VAV1: variants seen among roughly 807,000 people sequenced by gnomAD.
VAV1 encodes the protein proto-oncogene vav.
VAV1 carries 33 observed loss-of-function variants against 128.1 expected under a neutral mutation model. The ratio of observed to expected loss-of-function variants is 0.26; its 90% CI spans 0.20 to 0.34. The LOEUF is 0.34. Among genes scored for constraint, VAV1 ranks in the 10% least tolerant of loss-of-function variants. The pLI, the probability that VAV1 is intolerant of heterozygous loss-of-function variation, is 1.00. For missense variants in VAV1, 715 were observed against 1,093.7 expected, an observed-to-expected ratio of 0.65 and a Z score of 4.88; for synonymous variants, 394 against 409.8, an observed-to-expected ratio of 0.96 and a Z score of 0.47.
chr19:6,835,989 T>C, intron 19 of VAV1: 1 of 156,348 alleles, frequency 6.4e-6, no homozygotes, highest in Non-Finnish European at 1.4e-5. Flanking sequence ...TTCTCCTGCC[T>C]CAGCCTCCCA....
rs1971928515 is a variant in VAV1 at position 6,826,768 on chromosome 19, C to G, written c.927+57C>G. 1 of 1,356,602 alleles carries G rather than the reference C, an allele frequency of 7.4e-7. No homozygotes were observed. The highest frequency in any genetic ancestry group is 1.0e-6 in the Non-Finnish European group (1 of 983,566). 84.0% of individuals were successfully genotyped at this position (1,356,602 alleles called of 1,614,324 possible). A position where few individuals can be genotyped will look rare whatever the true frequency, so the allele number is the denominator to read the frequency against. On this transcript the variant is annotated intron_variant, in intron 9 of 26. Coordinates refer to ENST00000602142, the MANE Select transcript of VAV1 (RefSeq NM_005428.4). The surrounding 1 kb of genome is among the most constrained non-coding windows in gnomAD (Gnocchi z 4.1). ...CCCGCTCCTCCCCAGGCCCTGGGGG[C>G]AGCAGGGAGGACACTGAGTTGCAGA...
intron 1 of VAV1, among the ~76,000 whole-genome samples, chr19:6,819,460 C>G (rs530926069): frequency 6.6e-6 from 1 of 152,258 alleles, no homozygotes; most frequent in African/African-American, 2.4e-5. Context: ...TAGAATTGTA[C>G]AATACATGGC....
In VAV1 at chr19:6,826,136, G is replaced by A. The variant is rs1479802766; in HGVS notation, c.828-476G>A. 6.6e-6 allele frequency among the ~76,000 whole-genome samples: 1 copy of A among 151,852 alleles called. No individual in the cohort carries two copies. Among genetic ancestry groups the A allele is most frequent in the African/African-American group, 2.4e-5 (1 of 41,340 alleles). Reference sequence around the variant, plus strand: ...GCAGATCACTTGAGGTCAGGAGTTCGAGACCAGCCTGGCCAACATGGCAAA... The same window carrying A: ...GCAGATCACTTGAGGTCAGGAGTTCAAGACCAGCCTGGCCAACATGGCAAA... On this transcript the variant is annotated intron_variant, in intron 8 of 26. Coordinates refer to ENST00000602142, the MANE Select transcript of VAV1 (RefSeq NM_005428.4). The surrounding 1 kb of genome is among the most constrained non-coding windows in gnomAD (Gnocchi z 4.1).
At chr19:6,844,272 G>A (rs574463749) in intron 22 of VAV1, among the ~76,000 whole-genome samples, 3 of 151,442 alleles carry the variant, frequency 2.0e-5, no homozygotes, top group South Asian at 2.1e-4. Context: ...AGGCTGGAGC[G>A]CAATGGCGTG....
At position 6,828,467 on chromosome 19, in the gene VAV1, C is replaced by A. The variant is rs776828202; in HGVS notation, c.1072C>A (p.Leu358Met). 3.1e-6 allele frequency: 5 copies of A among 1,614,076 alleles called. No homozygotes were observed. The highest frequency in any genetic ancestry group is 2.5e-6 in the Non-Finnish European group (3 of 1,180,036). The change falls in exon 11 of 27, where the codon CTG becomes ATG. Residue 358 changes from leucine (L) to methionine (M), a missense_variant. Physicochemically the swap from Leu to Met is conservative, Grantham distance 15. Transcript: ENST00000602142. This position sits in a 1 kb window ranked among gnomAD's most constrained non-coding sequence, Gnocchi z 4.5. ...GGCGATGGAGAAGGAGAACCTGCGG[C>A]TGGCCCTGGATGCCATGAGGGTGAG... ...QEAMEKENLR[L>M]ALDAMRDLAQ...
chr19:6,838,115 CTAT>C (rs1972268192), intron 21 of VAV1, among the ~76,000 whole-genome samples: 1 of 151,704 alleles, frequency 6.6e-6, no homozygotes, highest in African/African-American at 2.4e-5. Context: ...ATCTATCTAT[CTAT>C]CTATCTATCT....
At chr19:6,829,943 G>A (rs762746904) in intron 14 of VAV1, 25 bp downstream of exon 14, 1 of 1,613,870 alleles carries the variant, frequency 6.2e-7, no homozygotes, top group Admixed American at 1.7e-5. Flanking sequence ...CCGGAACTAT[G>A]GGGTCCTCCA....
chr19:6,789,345 C>T (rs997173348), intron 1 of VAV1, among the ~76,000 whole-genome samples: 2 of 151,820 alleles, frequency 1.3e-5, no homozygotes, highest in African/African-American at 2.4e-5. Context: ...CTCCACCTCC[C>T]AGGTTCACGC....
At chr19:6,779,995 C>T (rs960924071) in intron 1 of VAV1, among the ~76,000 whole-genome samples, 3 of 148,838 alleles carry the variant, frequency 2.0e-5, no homozygotes, top group Admixed American at 2.0e-4. Flanking sequence ...CCTGTAGTCC[C>T]AGCTACTCGG....
intron 1 of VAV1, among the ~76,000 whole-genome samples, chr19:6,816,774 C>T (rs1057361484): frequency 6.6e-6 from 1 of 151,682 alleles, no homozygotes; most frequent in Non-Finnish European, 1.5e-5. Flanking sequence ...CCAGCCTGGA[C>T]AACATGGTGA....
At chr19:6,814,709 T>TTTCTTTCTTTCTTTCTTTCTTTCC (rs1599647795) in intron 1 of VAV1, among the ~76,000 whole-genome samples, 2 of 138,244 alleles carry the variant, frequency 1.4e-5, no homozygotes, top group East Asian at 4.2e-4. Flanking sequence ...TCTTTCTTTC[T>TTTCTTTCTTTCTTTCTTTCTTTCC]TTCTTTCTTT....
At position 6,833,635 on chromosome 19, in the gene VAV1, G is replaced by C. The variant is rs781522310; in HGVS notation, c.1708+10G>C. On this transcript the variant is annotated intron_variant, in intron 17 of 26. Transcript: ENST00000602142. Reference sequence around the variant, plus strand: ...GGCCGACATGGGCAAGGTACGAGTGGGAGGGAGGCTGGGAGGTGAGCTTGG... The same window carrying C: ...GGCCGACATGGGCAAGGTACGAGTGCGAGGGAGGCTGGGAGGTGAGCTTGG... 1 of 1,613,968 alleles carries C rather than the reference G, an allele frequency of 6.2e-7. No individual in the cohort carries two copies. Among genetic ancestry groups the C allele is most frequent in the African/African-American group, 1.3e-5 (1 of 74,916 alleles).
At chr19:6,819,535 A>T (rs1276421863) in intron 1 of VAV1, among the ~76,000 whole-genome samples, 3 of 152,234 alleles carry the variant, frequency 2.0e-5, no homozygotes, top group Non-Finnish European at 2.9e-5. Flanking sequence ...AGTGTGGAAC[A>T]GTATTTTGCT....
In VAV1 at chr19:6,807,414, C is replaced by T. The variant is rs374707281; in HGVS notation, c.205-13288C>T. On this transcript the variant is annotated intron_variant, in intron 1 of 26. Coordinates refer to ENST00000602142, the MANE Select transcript of VAV1 (RefSeq NM_005428.4). ...GGAGTTCACAGTAGGGTTTGCACTC[C>T]TATGAGGATCTAACGCTGCAGCTGA... Among the ~76,000 whole-genome samples the T allele has an allele frequency of 1.1e-4, 16 of 152,118 alleles. 1 individual carries two copies. Among genetic ancestry groups the T allele is most frequent in the Admixed American group, 2.0e-4 (3 of 15,254 alleles).
chr19:6,780,873 C>T (rs115728595), intron 1 of VAV1, among the ~76,000 whole-genome samples: 2,131 of 149,970 alleles, frequency 0.014, 68 homozygotes, highest in African/African-American at 0.049. Context: ...CATGCCCAGG[C>T]GATTTCTTAT....
At chr19:6,792,246 G>C (rs1400460903) in intron 1 of VAV1, among the ~76,000 whole-genome samples, 4 of 152,132 alleles carry the variant, frequency 2.6e-5, no homozygotes, top group African/African-American at 9.7e-5. Context: ...GCATCCCCAT[G>C]AGAAGTGATG....
rs1327826891 is a variant in VAV1, at chr19:6,826,208, G to A, written c.828-404G>A. 6.6e-6 allele frequency among the ~76,000 whole-genome samples: 1 copy of A among 152,034 alleles called. No individual in the cohort carries two copies. The highest frequency in any genetic ancestry group is 1.5e-5 in the Non-Finnish European group (1 of 67,992). On this transcript the variant is annotated intron_variant, in intron 8 of 26. Coordinates refer to ENST00000602142, the MANE Select transcript of VAV1 (RefSeq NM_005428.4). This position sits in a 1 kb window ranked among gnomAD's most constrained non-coding sequence, Gnocchi z 4.1. The stretch of plus-strand genomic sequence containing the variant: ...CAAAAATTAGCCAGGCATGGTGGCA[G>A]GTGTCTGTAATCCCAGCTACTCGGG...
At chr19:6,781,383 C>G (rs543866232) in intron 1 of VAV1, among the ~76,000 whole-genome samples, 3 of 152,220 alleles carry the variant, frequency 2.0e-5, no homozygotes, top group East Asian at 1.9e-4. Context: ...GCCGCCTCCC[C>G]GACAGACGGT....
chr19:6,857,345 A>G lies in VAV1; in HGVS notation c.*238A>G, dbSNP rs1599690045. 1 of 541,868 alleles carries G rather than the reference A, an allele frequency of 1.8e-6. No individual in the cohort carries two copies. Among genetic ancestry groups the G allele is most frequent in the Non-Finnish European group, 3.3e-6 (1 of 303,672 alleles). The allele number at this position is 541,868 out of a possible 1,614,324, so 33.6% of individuals were successfully genotyped here. A position where few individuals can be genotyped will look rare whatever the true frequency, so the allele number is the denominator to read the frequency against. On this transcript the variant is annotated 3_prime_UTR_variant, in exon 27 of 27. Transcript: ENST00000602142. ...GGGGCTCAAGGGGGTTACATTTAAT[A>G]AAAGGATGAAGATGGATAGAAGGAC...
Sources: gnomAD v4.1 joint callset for allele counts (sites outside exome capture counted in the v4.1 genomes callset) on GRCh38, gnomAD v4.1.1 for gene constraint, Gnocchi (gnomAD v3.1) non-coding constraint, MANE v1.5 for transcripts, NCBI Gene and HGNC (gene_info 2026-07-23, HGNC 2026-07-21) for gene names.